The following DPP6 variants were observed in gnomAD, a reference collection of about 807,000 sequenced individuals.
DPP6 encodes the protein dipeptidyl peptidase like 6, also known as A-type potassium channel modulatory protein DPP6.
In DPP6, 69 loss-of-function variants were observed where a neutral mutation model predicts 122.6. That is an observed-to-expected ratio of 0.56 (90% CI 0.46 to 0.69). The LOEUF is 0.69. Among genes scored for constraint, DPP6 ranks in the 30% least tolerant of loss-of-function variants. The pLI is 0.00. For missense variants in DPP6, 928 were observed against 1,116.9 expected (o/e 0.83, Z 2.41); for synonymous variants, 418 against 433.1 (o/e 0.97, Z 0.43).
intron 1 of DPP6, among the ~76,000 whole-genome samples, chr7:153,915,584 G>C (rs1798026419): frequency 1.3e-5 from 2 of 152,198 alleles, no homozygotes; most frequent in African/African-American, 4.8e-5. Flanking sequence ...AGACGAGATA[G>C]CTCTGGAGGC....
intron 1 of DPP6, among the ~76,000 whole-genome samples, chr7:154,410,095 G>C (rs1052556630): frequency 2.6e-5 from 4 of 152,226 alleles, no homozygotes; most frequent in Non-Finnish European, 4.4e-5. Flanking sequence ...AATTTAAGAA[G>C]TAGTGCCTGT....
At chr7:154,705,137 G>C (rs3778730) in intron 7 of DPP6, among the ~76,000 whole-genome samples, 114,847 of 152,152 alleles carry the variant, frequency 0.75, 45,430 homozygotes, top group Non-Finnish European at 0.88. Context: ...AGGGGGAGAA[G>C]GGAGGGCATA....
intron 7 of DPP6, among the ~76,000 whole-genome samples, chr7:154,694,260 G>A (rs35976638): frequency 0.026 from 3,985 of 152,226 alleles, 63 homozygotes; most frequent in Non-Finnish European, 0.04. Context: ...CATTGGGGGT[G>A]GGATTTCAAC....
At position 154,063,411 on chromosome 7, in the gene DPP6, G is replaced by A. The variant is rs561193887; in HGVS notation, c.243+10348G>A. ...GGGACTGAGAGCTATCCCCTCTTCC[G>A]CCCCTGGCTGTTGGTACCCCCATCG... On this transcript the variant is annotated intron_variant, in intron 1 of 25. Transcript: ENST00000377770. 1.9e-3 allele frequency among the ~76,000 whole-genome samples: 228 copies of A among 119,640 alleles called. 34 individuals carry two copies. The highest frequency in any genetic ancestry group is 7.1e-3 in the Admixed American group (79 of 11,204). The allele number at this position is 119,640 out of a possible 152,430, so 78.5% of individuals were successfully genotyped here. A position where few individuals can be genotyped will look rare whatever the true frequency, so the allele number is the denominator to read the frequency against.
intron 7 of DPP6, among the ~76,000 whole-genome samples, chr7:154,694,170 A>T (rs1317874168): frequency 2.6e-5 from 4 of 152,228 alleles, no homozygotes; most frequent in African/African-American, 9.6e-5. Context: ...TGTCTTTTGT[A>T]AGGGCACTAA....
At chr7:154,889,716 T>A in intron 25 of DPP6, 186 bp downstream of exon 25, 1 of 885,518 alleles carries the variant, frequency 1.1e-6, no homozygotes, top group Non-Finnish European at 1.7e-6. Context: ...TAATTAATGA[T>A]AGCTCCGCTC....
intron 16 of DPP6, among the ~76,000 whole-genome samples, chr7:154,826,819 CAG>C (rs2150510437): frequency 6.6e-6 from 1 of 152,266 alleles, no homozygotes; most frequent in Non-Finnish European, 1.5e-5. Flanking sequence ...GAAAAATGAG[CAG>C]AGACGTCTGG....
intron 5 of DPP6, among the ~76,000 whole-genome samples, chr7:154,619,794 C>T (rs1834518480): frequency 6.6e-6 from 1 of 152,216 alleles, no homozygotes; most frequent in South Asian, 2.1e-4. Context: ...ATTAGAATCA[C>T]TATACAGAAT....
intron 1 of DPP6, among the ~76,000 whole-genome samples, chr7:154,225,577 A>G (rs932675237): frequency 6.6e-6 from 1 of 152,138 alleles, no homozygotes; most frequent in Non-Finnish European, 1.5e-5. Flanking sequence ...AAAATGAGAA[A>G]AAAAAATCTC....
At chr7:154,077,676 AT>A (rs531140291) in intron 1 of DPP6, among the ~76,000 whole-genome samples, 4,429 of 144,088 alleles carry the variant, frequency 0.031, 145 homozygotes, top group African/African-American at 0.085. Flanking sequence ...TATTATTATT[AT>A]TTTTTTTTTT....
intron 16 of DPP6, among the ~76,000 whole-genome samples, chr7:154,809,586 C>T (rs897856143): frequency 6.6e-5 from 10 of 151,994 alleles, no homozygotes; most frequent in African/African-American, 1.5e-4. Context: ...CACAAGCATC[C>T]GGGTTAATAA....
At chr7:154,480,088 C>G (rs899746573) in intron 3 of DPP6, among the ~76,000 whole-genome samples, 5 of 150,398 alleles carry the variant, frequency 3.3e-5, no homozygotes, top group Admixed American at 2.6e-4. Flanking sequence ...CAGATGCACT[C>G]GCTTCACTTA....
intron 1 of DPP6, among the ~76,000 whole-genome samples, chr7:154,208,272 C>T (rs117124246): frequency 0.012 from 1,827 of 152,266 alleles, 16 homozygotes; most frequent in Non-Finnish European, 0.019. Flanking sequence ...ATGGAGGCTG[C>T]AAAAATTATG....
intron 1 of DPP6, among the ~76,000 whole-genome samples, chr7:153,928,214 T>G (rs1323124490): frequency 6.7e-6 from 1 of 149,726 alleles, no homozygotes; most frequent in Non-Finnish European, 1.5e-5. Context: ...CTTTTCTTTT[T>G]TTCTTTTTTT....
intron 7 of DPP6, among the ~76,000 whole-genome samples, chr7:154,675,814 C>G (rs1308626865): frequency 6.6e-6 from 1 of 152,198 alleles, no homozygotes; most frequent in African/African-American, 2.4e-5. Context: ...GTTCACACTG[C>G]CCAAGCTTTC....
At chr7:154,388,868 A>G (rs1204167424) in intron 1 of DPP6, among the ~76,000 whole-genome samples, 1 of 152,212 alleles carries the variant, frequency 6.6e-6, no homozygotes, top group African/African-American at 2.4e-5. Context: ...TAGGTCTGAG[A>G]TAATTTAATA....
At chr7:154,394,125 A>C (rs1179023444) in intron 1 of DPP6, among the ~76,000 whole-genome samples, 1 of 152,212 alleles carries the variant, frequency 6.6e-6, no homozygotes, top group African/African-American at 2.4e-5. Context: ...TTGCTGGATC[A>C]TATGGTTATT....
chr7:153,789,608 A>G, the DPP6 span, among the ~76,000 whole-genome samples: 1 of 152,340 alleles, frequency 6.6e-6, no homozygotes, highest in Middle Eastern at 3.4e-3. Flanking sequence ...TAATGGTATA[A>G]TGAATAATAA....
chr7:154,451,616 C>G (rs910973907), intron 2 of DPP6, among the ~76,000 whole-genome samples: 1 of 152,182 alleles, frequency 6.6e-6, no homozygotes, highest in Non-Finnish European at 1.5e-5. Flanking sequence ...ACCACAGCAG[C>G]CTCCCCTCTG....
Sources: allele counts gnomAD v4.1 joint callset (sites outside exome capture counted in the v4.1 genomes callset), GRCh38; gene constraint gnomAD v4.1.1; transcripts MANE v1.5; gene names NCBI Gene and HGNC (gene_info 2026-07-23, HGNC 2026-07-21).